CUX1: variants seen among roughly 807,000 people sequenced by gnomAD.
The protein encoded by CUX1 is protein CASP.
CUX1 carries 31 observed loss-of-function variants against 158.8 expected under a neutral mutation model. That is an observed-to-expected ratio of 0.20 (90% CI 0.15 to 0.26). CUX1 has a LOEUF of 0.26. Among genes scored for constraint, CUX1 ranks in the 10% least tolerant of loss-of-function variants. The probability of loss-of-function intolerance (pLI) is 1.00; values close to 1 mark genes in which losing one functional copy is unlikely to be tolerated. For synonymous variants in CUX1, 879 were observed against 862.1 expected (o/e 1.02, Z -0.34); for missense variants, 1,589 against 2,014.6 (o/e 0.79, Z 4.04).
chr7:101,964,283 G>C (rs776589606), intron 2 of CUX1, among the ~76,000 whole-genome samples: 8 of 152,042 alleles, frequency 5.3e-5, no homozygotes, highest in Non-Finnish European at 1.0e-4. Context: ...AACCTGGGGG[G>C]CGGAGGTTGC....
chr7:102,244,812 C>G (rs1039523392), intron 23 of CUX1, among the ~76,000 whole-genome samples: 2 of 152,180 alleles, frequency 1.3e-5, no homozygotes, highest in Non-Finnish European at 2.9e-5. Context: ...GTTAGGAACT[C>G]AGATTCTGAA....
At chr7:102,125,028 C>T (rs1157420312) in intron 8 of CUX1, among the ~76,000 whole-genome samples, 2 of 152,156 alleles carry the variant, frequency 1.3e-5, no homozygotes, top group Admixed American at 1.3e-4. Context: ...GTGATCTGCC[C>T]ACCTCAGCCT....
intron 2 of CUX1, among the ~76,000 whole-genome samples, chr7:101,924,217 C>T (rs1316648338): frequency 6.6e-6 from 1 of 151,890 alleles, no homozygotes. Context: ...TTTTCACTCT[C>T]GGTGAGAAAA....
downstream of CUX1, among the ~76,000 whole-genome samples, chr7:102,262,790 C>T (rs1159167790): frequency 6.6e-6 from 1 of 152,170 alleles, no homozygotes; most frequent in African/African-American, 2.4e-5. Context: ...GAAACAGATG[C>T]TTGCCGCGGG....
chr7:102,083,410 G>C (rs369661998), intron 4 of CUX1, among the ~76,000 whole-genome samples: 2 of 146,844 alleles, frequency 1.4e-5, no homozygotes, highest in African/African-American at 4.9e-5. Flanking sequence ...AGGCTCAAGC[G>C]ATCCTCCCAC....
At chr7:101,852,813 A>G (rs1796412851) in intron 1 of CUX1, among the ~76,000 whole-genome samples, 1 of 150,558 alleles carries the variant, frequency 6.6e-6, no homozygotes, top group South Asian at 2.1e-4. Flanking sequence ...AGTAGCTGGG[A>G]TTATAGGCAC....
intron 1 of CUX1, among the ~76,000 whole-genome samples, chr7:101,900,609 G>A (rs916132646): frequency 6.6e-6 from 1 of 152,206 alleles, no homozygotes. Flanking sequence ...CCAGGAGCCA[G>A]TTGGCATCTT....
At chr7:101,939,066 T>C (rs1170409633) in intron 2 of CUX1, among the ~76,000 whole-genome samples, 15 of 1,428 alleles carry the variant, frequency 0.011, no homozygotes, top group Non-Finnish European at 0.013. Flanking sequence ...TACATATATA[T>C]ATATATATAT....
At chr7:102,268,351 C>T (rs1227443697) in intron 14 of CUX1, among the ~76,000 whole-genome samples, 1 of 152,148 alleles carries the variant, frequency 6.6e-6, no homozygotes, top group Non-Finnish European at 1.5e-5. Flanking sequence ...ACCACCTCGA[C>T]GACAACACCT....
At position 101,916,614 on chromosome 7, in the gene CUX1, G is replaced by C. The variant is rs1353886961; in HGVS notation, c.141+389G>C. 1 of 207,916 alleles carries C rather than the reference G, an allele frequency of 4.8e-6. No homozygotes were observed. The highest frequency in any genetic ancestry group is 2.3e-5 in the African/African-American group (1 of 44,200). The allele number at this position is 207,916 out of a possible 1,614,324, so 12.9% of individuals were successfully genotyped here. On this transcript the variant is annotated intron_variant, in intron 2 of 23. Transcript: ENST00000292535. This position sits in a 1 kb window ranked among gnomAD's most constrained non-coding sequence, Gnocchi z 4.4. The stretch of plus-strand genomic sequence containing the variant: ...TCCTGTGGGGTGGAAGGTCCGCGGG[G>C]CCTGCTTCCCTGTTGCTGGTGCAGG...
intron 13 of CUX1, among the ~76,000 whole-genome samples, chr7:102,194,516 C>G (rs182654427): frequency 8.6e-4 from 131 of 151,936 alleles, no homozygotes; most frequent in African/African-American, 3.1e-3. Context: ...AGGAAGATCG[C>G]TTGAGCCCAG....
intron 1 of CUX1, among the ~76,000 whole-genome samples, chr7:101,854,039 A>G (rs1796547052): frequency 6.6e-6 from 1 of 152,076 alleles, no homozygotes; most frequent in Admixed American, 6.6e-5. Flanking sequence ...AGTGCTTTCC[A>G]GCGCTTTCCA....
chr7:101,985,592 A>T (rs922114155), intron 2 of CUX1, among the ~76,000 whole-genome samples: 3 of 152,134 alleles, frequency 2.0e-5, no homozygotes, highest in Non-Finnish European at 4.4e-5. Context: ...AGAGGTTAAG[A>T]GCTTGGACTC....
chr7:102,087,749 A>G (rs1554481019), intron 4 of CUX1, among the ~76,000 whole-genome samples: 1 of 152,230 alleles, frequency 6.6e-6, no homozygotes. Context: ...ACGCTATAAT[A>G]CATGGTTACT....
chr7:102,249,922 T>C lies in CUX1; in HGVS notation c.*880T>C, dbSNP rs550013040. ...TCTGATTTTGTGGTAGCTGACATAGTGTTTTCTTGTACGTGAATAGAATCC... is the reference window on the plus strand; with the variant it reads ...TCTGATTTTGTGGTAGCTGACATAGCGTTTTCTTGTACGTGAATAGAATCC... On this transcript the variant is annotated 3_prime_UTR_variant, in exon 24 of 24. Coordinates refer to ENST00000292535, the MANE Select transcript of CUX1 (RefSeq NM_181552.4). 3.0e-6 allele frequency: 3 copies of C among 985,702 alleles called. No individual in the cohort carries two copies. Among genetic ancestry groups the C allele is most frequent in the Non-Finnish European group, 3.6e-6 (3 of 829,924 alleles). 61.1% of individuals were successfully genotyped at this position (985,702 alleles called of 1,614,324 possible).
At chr7:101,817,491 G>C, upstream of CUX1, 1 of 1,111,230 alleles carries the variant, frequency 9.0e-7, no homozygotes. The surrounding 1 kb of genome is among the most constrained non-coding windows in gnomAD (Gnocchi z 4.1). Context: ...GGGGCTCCCC[G>C]GCCCGCGCCC....
At chr7:101,949,288 C>T (rs898322461) in intron 2 of CUX1, among the ~76,000 whole-genome samples, 3 of 151,704 alleles carry the variant, frequency 2.0e-5, no homozygotes, top group East Asian at 2.0e-4. Context: ...CCCGCCACCA[C>T]GCCTGGCTAA....
chr7:101,823,113 G>C (rs1274651289), intron 1 of CUX1, among the ~76,000 whole-genome samples: 4 of 152,094 alleles, frequency 2.6e-5, no homozygotes. Flanking sequence ...CAGGACCGTT[G>C]GCAGAAATTT....
chr7:102,075,961 C>T (rs1826663956), intron 4 of CUX1, among the ~76,000 whole-genome samples: 1 of 152,134 alleles, frequency 6.6e-6, no homozygotes, highest in Non-Finnish European at 1.5e-5. Context: ...GCCCCAAGCC[C>T]AGCACACAGG....
Sources: gnomAD v4.1 joint callset for allele counts (sites outside exome capture counted in the v4.1 genomes callset) on GRCh38, gnomAD v4.1.1 for gene constraint, Gnocchi (gnomAD v3.1) non-coding constraint, MANE v1.5 for transcripts, NCBI Gene and HGNC (gene_info 2026-07-23, HGNC 2026-07-21) for gene names.